GREB1L: variants seen among roughly 807,000 people sequenced by gnomAD.
The protein encoded by GREB1L is GREB1 like retinoic acid receptor coactivator.
GREB1L carries 17 observed loss-of-function variants against 200.8 expected under a neutral mutation model. That is an observed-to-expected ratio of 0.08 (90% confidence interval 0.06 to 0.13). The LOEUF (loss-of-function observed/expected upper bound fraction) is 0.13. Ranked by LOEUF, GREB1L falls within the 10% of genes least tolerant of loss-of-function variation. GREB1L has a pLI of 1.00. For missense variants in GREB1L, 1,657 were observed against 2,367.7 expected (o/e 0.70, Z 6.23); for synonymous variants, 789 against 893.0 (o/e 0.88, Z 2.08).
intron 1 of GREB1L, among the ~76,000 whole-genome samples, chr18:21,251,022 A>T (rs1224476105): frequency 6.6e-6 from 1 of 152,158 alleles, no homozygotes; most frequent in Non-Finnish European, 1.5e-5. Flanking sequence ...TATGCTTTTT[A>T]AAAAACTTGT....
At chr18:21,329,892 C>A (rs2145022529) in intron 1 of GREB1L, among the ~76,000 whole-genome samples, 1 of 150,850 alleles carries the variant, frequency 6.6e-6, no homozygotes, top group Non-Finnish European at 1.5e-5. Flanking sequence ...TTTCCAGATT[C>A]TCTGTATTCA....
chr18:21,416,611 G>A (rs192563681), intron 7 of GREB1L, among the ~76,000 whole-genome samples: 158 of 150,050 alleles, frequency 1.1e-3, no homozygotes, highest in Middle Eastern at 7.0e-3. Flanking sequence ...GGAGAATGGC[G>A]TGAACCCGGG....
chr18:21,325,146 G>A (rs569530618), intron 1 of GREB1L, among the ~76,000 whole-genome samples: 2 of 152,228 alleles, frequency 1.3e-5, no homozygotes, highest in African/African-American at 4.8e-5. Flanking sequence ...TGACACTGAA[G>A]TCTCTTTGGT....
intron 27 of GREB1L, among the ~76,000 whole-genome samples, chr18:21,513,564 T>C (rs2037314879): frequency 6.6e-6 from 1 of 152,226 alleles, no homozygotes; most frequent in Non-Finnish European, 1.5e-5. Context: ...TCCTCAAAGA[T>C]ATCTCTGGTT....
chr18:21,345,699 C>T (rs1481879095), intron 1 of GREB1L, among the ~76,000 whole-genome samples: 1 of 151,806 alleles, frequency 6.6e-6, no homozygotes, highest in African/African-American at 2.4e-5. Flanking sequence ...ATGGTGAAAC[C>T]CATCTCTACT....
Position 21,284,094 on chromosome 18 carries a change from T to C in GREB1L, c.-120+41701T>C, listed in dbSNP as rs78758175. 5.7e-3 allele frequency among the ~76,000 whole-genome samples: 872 copies of C among 152,276 alleles called. 6 individuals carry two copies. Among genetic ancestry groups the C allele is most frequent in the Non-Finnish European group, 8.9e-3 (606 of 68,032 alleles). On this transcript the variant is annotated intron_variant, in intron 1 of 32. Coordinates refer to ENST00000424526, the MANE Select transcript of GREB1L (RefSeq NM_001142966.3). ...CTCTGTCCCTGCCACCCCCTTTGTA[T>C]GTGTTGTACCTGTCAGCCTGTCACA...
chr18:21,516,690 G>A lies in GREB1L; in HGVS notation c.5207G>A (p.Ser1736Asn). 1 of 1,551,398 alleles carries A rather than the reference G, an allele frequency of 6.4e-7. No homozygotes were observed. Among genetic ancestry groups the A allele is most frequent in the Non-Finnish European group, 8.7e-7 (1 of 1,146,788 alleles). ...CTCATCTGCCGCTTTAATAACTTCA[G>A]TCTCATGAAGAAACATGTTCAGGTT... ...GLLICRFNNFSLMKKHVQVGG... is the reference protein window; with the variant it reads ...GLLICRFNNFNLMKKHVQVGG... The change falls in exon 30 of 33, where the codon AGT becomes AAT. Residue 1736 changes from serine to asparagine, a missense_variant. Physicochemically the swap from Ser to Asn is conservative, Grantham distance 46. Around this residue, in one of 9 missense-constraint regions of GREB1L, gnomAD observed 190 missense variants for 230.2 expected, o/e 0.83. Transcript: ENST00000424526.
rs1236833221 is a variant in GREB1L at position 21,299,521 on chromosome 18, C to CT, written c.-120+57141dup. Among the ~76,000 whole-genome samples the CT allele has an allele frequency of 8.1e-3, 1,148 of 141,632 alleles. 3 individuals carry two copies. The highest frequency in any genetic ancestry group is 0.055 in the Middle Eastern group (15 of 274). 92.9% of individuals were successfully genotyped at this position (141,632 alleles called of 152,430 possible). On this transcript the variant is annotated intron_variant, in intron 1 of 32. Transcript: ENST00000424526. ...TTTTCTCCTCCTACCATTTGGGTTT[C>CT]TTTTTTTTTTTTTCTTTCTTTCTTT...
chr18:21,305,706 T>G (rs750355068), intron 1 of GREB1L, among the ~76,000 whole-genome samples: 1 of 152,224 alleles, frequency 6.6e-6, no homozygotes, highest in Non-Finnish European at 1.5e-5. Context: ...CAACTTCCCA[T>G]CACTCTTGGA....
At chr18:21,441,913 G>A (rs1309490280) in intron 10 of GREB1L, among the ~76,000 whole-genome samples, 20 of 152,182 alleles carry the variant, frequency 1.3e-4, no homozygotes. Flanking sequence ...CTGCCTGGAG[G>A]GATCTGAGAA....
At chr18:21,347,762 CTTTT>C (rs761498957) in intron 1 of GREB1L, among the ~76,000 whole-genome samples, 2 of 114,272 alleles carry the variant, frequency 1.8e-5, no homozygotes, top group South Asian at 2.7e-4. Context: ...GCCCCCCGAC[CTTTT>C]TTTTTTTTTT....
chr18:21,370,739 G>A (rs564967162), intron 2 of GREB1L, among the ~76,000 whole-genome samples: 1 of 152,234 alleles, frequency 6.6e-6, no homozygotes, highest in South Asian at 2.1e-4. Flanking sequence ...ACATACTCTA[G>A]AGTTGTACTG....
At chr18:21,286,653 C>T (rs1242350661) in intron 1 of GREB1L, among the ~76,000 whole-genome samples, 1 of 152,166 alleles carries the variant, frequency 6.6e-6, no homozygotes, top group African/African-American at 2.4e-5. Context: ...ATCTTCACAA[C>T]AATCCCATGT....
rs2146111948 is a variant in GREB1L, at chr18:21,518,173, C to G, written c.5411C>G (p.Ala1804Gly). 6 of 1,551,660 alleles carry G rather than the reference C, an allele frequency of 3.9e-6. No homozygotes were observed. Among genetic ancestry groups the G allele is most frequent in the Non-Finnish European group, 5.2e-6 (6 of 1,146,978 alleles). ...QHASYKLFPK[A>G]IHNFRSPVLA... ...GCCTCATATAAACTCTTCCCCAAAG[C>G]CATCCATAACTTCAGGAGTCCTGTG... The change falls in exon 31 of 33, where the codon GCC becomes GGC. Residue 1804 changes from alanine (A) to glycine (G), a missense_variant. Transcript: ENST00000424526.
chr18:21,350,640 A>G (rs1210121442), intron 1 of GREB1L, among the ~76,000 whole-genome samples: 1 of 152,168 alleles, frequency 6.6e-6, no homozygotes, highest in Non-Finnish European at 1.5e-5. Context: ...GATGTTTCCT[A>G]GATTTTTCTA....
chr18:21,436,669 G>GGGGTGTGT (rs1447242837), intron 7 of GREB1L, among the ~76,000 whole-genome samples: 1 of 132,456 alleles, frequency 7.5e-6, no homozygotes, highest in African/African-American at 2.9e-5. Flanking sequence ...AAAGTTCAGT[G>GGGGTGTGT]GTGTGTGTGT....
intron 2 of GREB1L, among the ~76,000 whole-genome samples, chr18:21,378,016 C>T (rs1242337401): frequency 6.6e-6 from 1 of 152,208 alleles, no homozygotes; most frequent in Non-Finnish European, 1.5e-5. Flanking sequence ...TACAAGCCAC[C>T]ATGCCTGTCC....
At chr18:21,249,638 T>A (rs2143911331) in intron 1 of GREB1L, among the ~76,000 whole-genome samples, 1 of 152,142 alleles carries the variant, frequency 6.6e-6, no homozygotes, top group South Asian at 2.1e-4. Context: ...GTGGATCACC[T>A]GAGGTCAGGA....
chr18:21,342,576 T>G (rs2039284925), intron 1 of GREB1L, among the ~76,000 whole-genome samples: 1 of 152,190 alleles, frequency 6.6e-6, no homozygotes, highest in Non-Finnish European at 1.5e-5. Flanking sequence ...GCCTTTTGTT[T>G]ACTAGCTTTA....
Sources: allele counts gnomAD v4.1 joint callset (sites outside exome capture counted in the v4.1 genomes callset), GRCh38; gene constraint gnomAD v4.1.1; regional missense constraint gnomAD v4.1.1; transcripts MANE v1.5; gene names NCBI Gene and HGNC (gene_info 2026-07-23, HGNC 2026-07-21).